GALNT13: variants seen among roughly 807,000 people sequenced by gnomAD.
GALNT13 encodes the protein polypeptide N-acetylgalactosaminyltransferase 13.
GALNT13 carries 28 observed loss-of-function variants against 64.2 expected under a neutral mutation model. The ratio of observed to expected loss-of-function variants is 0.44; its 90% confidence interval spans 0.32 to 0.60. The LOEUF is 0.60. Among genes scored for constraint, GALNT13 ranks in the 20% least tolerant of loss-of-function variants. GALNT13 has a pLI of 0.05. For missense variants in GALNT13, 577 were observed against 669.8 expected (o/e 0.86, Z 1.53); for synonymous variants, 214 against 224.6 (o/e 0.95, Z 0.42).
the GALNT13 span, among the ~76,000 whole-genome samples, chr2:153,197,038 C>T: frequency 6.6e-6 from 1 of 152,154 alleles, no homozygotes; most frequent in Non-Finnish European, 1.5e-5. Context: ...TGGGCCTGTC[C>T]CCAAGCCCCA....
chr2:154,318,687 T>C (rs1694454916), intron 9 of GALNT13, among the ~76,000 whole-genome samples: 1 of 149,074 alleles, frequency 6.7e-6, no homozygotes, highest in Non-Finnish European at 1.5e-5. Context: ...ATTGCACCAT[T>C]CCACTCCAGC....
chr2:154,083,287 C>A (rs932278870), intron 3 of GALNT13, among the ~76,000 whole-genome samples: 1 of 152,060 alleles, frequency 6.6e-6, no homozygotes, highest in Non-Finnish European at 1.5e-5. Flanking sequence ...GTTTTGGTAC[C>A]AGTACCATGC....
At chr2:153,213,706 GT>G in the GALNT13 span, among the ~76,000 whole-genome samples, 3 of 151,950 alleles carry the variant, frequency 2.0e-5, no homozygotes, top group African/African-American at 7.3e-5. Flanking sequence ...ATTTCAGTCA[GT>G]TTTTTTTAGT....
chr2:153,432,244 C>T, the GALNT13 span, among the ~76,000 whole-genome samples: 10 of 152,276 alleles, frequency 6.6e-5, no homozygotes, highest in East Asian at 1.9e-3. Context: ...CTAAAAGCCA[C>T]AGGATAGTAT....
chr2:153,721,645 G>A, the GALNT13 span, among the ~76,000 whole-genome samples: 1 of 150,288 alleles, frequency 6.7e-6, no homozygotes, highest in Non-Finnish European at 1.5e-5. Context: ...AACAAAAAAA[G>A]GCAGGGGTTG....
At chr2:153,369,552 G>A in the GALNT13 span, among the ~76,000 whole-genome samples, 3 of 152,068 alleles carry the variant, frequency 2.0e-5, no homozygotes, top group Non-Finnish European at 4.4e-5. Flanking sequence ...AAGGAAAAAT[G>A]CCTGGTGATA....
the GALNT13 span, among the ~76,000 whole-genome samples, chr2:153,130,186 T>C: frequency 6.6e-6 from 1 of 152,200 alleles, no homozygotes. Flanking sequence ...TCATCATCTC[T>C]TGTTACAGAT....
At position 154,355,823 on chromosome 2, in the gene GALNT13, T is replaced by C. The variant is rs372696909; in HGVS notation, c.1157-40168T>C. ...ACTGTGTTCTGAGGTCGGATTGTTT[T>C]TGATAATAGATTATGAGGTCATGTT... On this transcript the variant is annotated intron_variant, in intron 9 of 12. Transcript: ENST00000392825. Among the ~76,000 whole-genome samples, 12 of 152,164 alleles carry C rather than the reference T, an allele frequency of 7.9e-5. No individual in the cohort carries two copies. In the East Asian group the frequency reaches 1.7e-3, roughly 22 times the overall value.
chr2:153,870,680 A>C (rs1036521003), upstream of GALNT13, among the ~76,000 whole-genome samples: 1 of 151,528 alleles, frequency 6.6e-6, no homozygotes, highest in Non-Finnish European at 1.5e-5. Context: ...AAAAGATATA[A>C]AGATAATATC....
the GALNT13 span, among the ~76,000 whole-genome samples, chr2:153,770,987 T>C: frequency 6.6e-6 from 1 of 152,162 alleles, no homozygotes; most frequent in Non-Finnish European, 1.5e-5. Flanking sequence ...ACTTCTAATC[T>C]AGAAGAGTTG....
At chr2:153,680,698 G>C in the GALNT13 span, among the ~76,000 whole-genome samples, 60 of 151,852 alleles carry the variant, frequency 4.0e-4, no homozygotes, top group East Asian at 5.1e-3. Flanking sequence ...ATTGACTGTG[G>C]GTGTTATTTT....
At chr2:153,315,438 G>A in the GALNT13 span, among the ~76,000 whole-genome samples, 1 of 152,296 alleles carries the variant, frequency 6.6e-6, no homozygotes, top group Admixed American at 6.5e-5. Context: ...CAGCACCTGG[G>A]TGAGCAGGTT....
chr2:153,574,305 T>C, the GALNT13 span, among the ~76,000 whole-genome samples: 1 of 152,114 alleles, frequency 6.6e-6, no homozygotes, highest in African/African-American at 2.4e-5. Context: ...TTTGGGAGTT[T>C]GATTATTAAA....
the GALNT13 span, among the ~76,000 whole-genome samples, chr2:153,151,744 A>G: frequency 8.5e-4 from 125 of 147,512 alleles, 1 homozygote; most frequent in African/African-American, 2.8e-3. Context: ...AAAACCAAAC[A>G]CCACATGTTC....
At chr2:153,358,602 C>T in the GALNT13 span, among the ~76,000 whole-genome samples, 1 of 152,018 alleles carries the variant, frequency 6.6e-6, no homozygotes, top group African/African-American at 2.4e-5. Context: ...GAGGTAGGTC[C>T]TAGTGGTTTG....
chr2:153,766,306 G>A, the GALNT13 span, among the ~76,000 whole-genome samples: 163 of 152,116 alleles, frequency 1.1e-3, no homozygotes, highest in African/African-American at 3.8e-3. Flanking sequence ...TGTCTTTGAT[G>A]TTTGATAGTT....
At chr2:154,283,864 T>G (rs1297163382) in intron 8 of GALNT13, among the ~76,000 whole-genome samples, 1 of 152,124 alleles carries the variant, frequency 6.6e-6, no homozygotes, top group African/African-American at 2.4e-5. Flanking sequence ...CAGTGAAAAT[T>G]TGAGATCAAT....
chr2:154,200,053 A>G lies in GALNT13; in HGVS notation c.312-41977A>G, dbSNP rs143899172. 2.2e-3 allele frequency among the ~76,000 whole-genome samples: 333 copies of G among 152,090 alleles called. 2 individuals carry two copies. The highest frequency in any genetic ancestry group is 7.6e-3 in the African/African-American group (315 of 41,532). ...AATAACTTCCACTAGTAATTTATTT[A>G]TTTTTTGTGAGGGATGGGGGGATTA... is the stretch of plus-strand genomic sequence containing the variant. On this transcript the variant is annotated intron_variant, in intron 4 of 12. Transcript: ENST00000392825.
At chr2:153,693,548 G>A in the GALNT13 span, among the ~76,000 whole-genome samples, 7 of 152,048 alleles carry the variant, frequency 4.6e-5, no homozygotes, top group South Asian at 1.0e-3. Context: ...AATGTGACTC[G>A]GGGGAAAAAC....
Sources: gnomAD v4.1 joint callset for allele counts (sites outside exome capture counted in the v4.1 genomes callset) on GRCh38, gnomAD v4.1.1 for gene constraint, MANE v1.5 for transcripts, NCBI Gene and HGNC (gene_info 2026-07-23, HGNC 2026-07-21) for gene names.